Variants in PCDH15 observed in about 807,000 individuals in gnomAD.
The protein encoded by PCDH15 is protocadherin-15.
Under a neutral mutation model 178.5 loss-of-function variants are expected in PCDH15, and 129 were observed. The observed-to-expected ratio is 0.72, with a 90% confidence interval of 0.63 to 0.84. The LOEUF is 0.84. PCDH15 is among the 40% of genes least tolerant of loss of function. The probability of loss-of-function intolerance (pLI) is 0.00; values close to 1 mark genes in which losing one functional copy is unlikely to be tolerated. For missense variants in PCDH15, 2,230 were observed against 2,099.9 expected (o/e 1.06, Z -1.21); for synonymous variants, 800 against 732.0 (o/e 1.09, Z -1.50).
At chr10:54,801,279 G>C (rs1262627523), upstream of PCDH15, 3 of 152,142 alleles carry the variant, frequency 2.0e-5, no homozygotes, top group Non-Finnish European at 4.4e-5. Context: ...GTCGCTATTA[G>C]CTCAGCACGT....
At chr10:54,864,028 A>G (rs1953893154) in intron 3 of PCDH15, among the ~76,000 whole-genome samples, 1 of 152,188 alleles carries the variant, frequency 6.6e-6, no homozygotes, top group African/African-American at 2.4e-5. Context: ...ATCAGTGCAA[A>G]TCTACAGATA....
At chr10:54,691,850 G>A (rs981502533) in intron 1 of PCDH15, among the ~76,000 whole-genome samples, 1 of 151,916 alleles carries the variant, frequency 6.6e-6, no homozygotes, top group Admixed American at 6.6e-5. Context: ...TAGCTTTACT[G>A]ACTTTACAAT....
At chr10:54,922,136 T>C (rs1733787) in intron 2 of PCDH15, among the ~76,000 whole-genome samples, 20,540 of 152,092 alleles carry the variant, frequency 0.14, 1,572 homozygotes, top group East Asian at 0.23. Flanking sequence ...TCCACCTTGG[T>C]CCTTCCCAAG....
At chr10:54,593,683 T>G (rs1294436794) in intron 2 of PCDH15, among the ~76,000 whole-genome samples, 1 of 152,160 alleles carries the variant, frequency 6.6e-6, no homozygotes, top group African/African-American at 2.4e-5. Flanking sequence ...ATATAAATTT[T>G]AGAATTTTTT....
At chr10:54,588,301 T>C (rs1041207335) in intron 2 of PCDH15, among the ~76,000 whole-genome samples, 16 of 152,210 alleles carry the variant, frequency 1.1e-4, no homozygotes, top group African/African-American at 3.6e-4. Context: ...ACTGGTGACA[T>C]AATTATTGCC....
At chr10:55,284,735 C>T (rs185288224) in intron 1 of PCDH15, among the ~76,000 whole-genome samples, 112 of 152,026 alleles carry the variant, frequency 7.4e-4, no homozygotes, top group Non-Finnish European at 1.4e-3. Context: ...TTTAAGTTTT[C>T]ACGTCACATG....
In PCDH15 at chr10:54,480,857, G is replaced by A. The variant is rs544423537; in HGVS notation, c.157+46955C>T. The stretch of plus-strand genomic sequence containing the variant: ...TCCTTTTTTCATAGAAACATTAAAA[G>A]TATTTGCTAAGTATGATAAAACACG... On this transcript the variant is annotated intron_variant, in intron 3 of 37. Coordinates refer to ENST00000644397, the MANE Select transcript of PCDH15 (RefSeq NM_001384140.1). 7.2e-4 allele frequency among the ~76,000 whole-genome samples: 110 copies of A among 151,980 alleles called. 2 individuals carry two copies. In the South Asian group the frequency reaches 0.022, roughly 31 times the overall value.
chr10:55,212,576 A>C (rs1227279988), intron 1 of PCDH15, among the ~76,000 whole-genome samples: 1 of 152,040 alleles, frequency 6.6e-6, no homozygotes, highest in Non-Finnish European at 1.5e-5. Context: ...AACAAGGGGA[A>C]CTTAACATCA....
intron 2 of PCDH15, chr10:54,599,909 AGAGT>A: frequency 1.3e-6 from 1 of 759,842 alleles, no homozygotes. Context: ...GTTGAGGAAA[AGAGT>A]GAGGAAGTGG....
chr10:54,833,574 A>T (rs1363807837), intron 3 of PCDH15, among the ~76,000 whole-genome samples: 2 of 152,146 alleles, frequency 1.3e-5, no homozygotes, highest in East Asian at 3.9e-4. Context: ...CTTTTGTCTG[A>T]ATTTTCAGCC....
At chr10:54,079,780 G>T (rs1162873838) in intron 16 of PCDH15, among the ~76,000 whole-genome samples, 1 of 152,064 alleles carries the variant, frequency 6.6e-6, no homozygotes, top group East Asian at 1.9e-4. Context: ...AGAATTCTTT[G>T]AAACAAGGAA....
intron 26 of PCDH15, among the ~76,000 whole-genome samples, chr10:53,894,424 T>G (rs2081807667): frequency 6.6e-6 from 1 of 152,294 alleles, no homozygotes; most frequent in East Asian, 1.9e-4. Flanking sequence ...CAGTGATTAG[T>G]AAGACCTTGT....
At chr10:55,362,255 G>A (rs1453203491) in intron 2 of PCDH15, among the ~76,000 whole-genome samples, 3 of 151,904 alleles carry the variant, frequency 2.0e-5, no homozygotes, top group Admixed American at 6.6e-5. Flanking sequence ...AAAACTACTC[G>A]TGGTACTTTT....
intron 1 of PCDH15, among the ~76,000 whole-genome samples, chr10:55,168,149 G>T (rs1839242552): frequency 5.9e-5 from 9 of 152,092 alleles, no homozygotes; most frequent in Admixed American, 5.9e-4. Flanking sequence ...ATAGCAATAT[G>T]TAAAACATAG....
intron 9 of PCDH15, among the ~76,000 whole-genome samples, chr10:54,233,493 G>C (rs540471699): frequency 6.6e-5 from 10 of 152,254 alleles, no homozygotes; most frequent in Admixed American, 5.2e-4. Context: ...TCAGAGAATA[G>C]AGTTTGTATT....
intron 2 of PCDH15, among the ~76,000 whole-genome samples, chr10:55,153,117 C>T (rs533347274): frequency 2.0e-5 from 3 of 152,096 alleles, no homozygotes; most frequent in Non-Finnish European, 2.9e-5. Flanking sequence ...ATTTTCAAGA[C>T]GTATCATTTA....
intron 1 of PCDH15, among the ~76,000 whole-genome samples, chr10:54,738,408 AT>A (rs1308485380): frequency 6.6e-6 from 1 of 152,116 alleles, no homozygotes; most frequent in African/African-American, 2.4e-5. Flanking sequence ...TAGTATTTTT[AT>A]GGTCGTCAGG....
Position 53,908,278 on chromosome 10 carries a change from C to A in PCDH15, c.3374-4908G>T, listed in dbSNP as rs2610858. On this transcript the variant is annotated intron_variant, in intron 25 of 37. Coordinates refer to ENST00000644397, the MANE Select transcript of PCDH15 (RefSeq NM_001384140.1). ...CAAACAAACAAACAAAATATTTGGGCCAAAATGCCATTAGTGATGAGGCTG... is the reference window on the plus strand; with the variant it reads ...CAAACAAACAAACAAAATATTTGGGACAAAATGCCATTAGTGATGAGGCTG... Among the ~76,000 whole-genome samples the A allele has an allele frequency of 7.4e-3, 1,126 of 152,144 alleles. 11 individuals are homozygous for A. Among genetic ancestry groups the A allele is most frequent in the African/African-American group, 0.026 (1,065 of 41,504 alleles).
intron 26 of PCDH15, among the ~76,000 whole-genome samples, chr10:53,871,961 TA>T (rs1173801995): frequency 6.6e-6 from 1 of 152,022 alleles, no homozygotes; most frequent in African/African-American, 2.4e-5. Context: ...GCCTGACCAA[TA>T]TGGAGAAACC....
Sources: allele counts gnomAD v4.1 joint callset (sites outside exome capture counted in the v4.1 genomes callset), GRCh38; gene constraint gnomAD v4.1.1; transcripts MANE v1.5; gene names NCBI Gene and HGNC (gene_info 2026-07-23, HGNC 2026-07-21).